ZBTB11: variants seen among roughly 807,000 people sequenced by gnomAD.
The protein encoded by ZBTB11 is zinc finger and BTB domain containing 11, also known as zinc finger and BTB domain-containing protein 11.
Under a neutral mutation model 113.1 loss-of-function variants are expected in ZBTB11, and 68 were observed. The ratio of observed to expected loss-of-function variants is 0.60; its 90% confidence interval spans 0.49 to 0.74. The LOEUF is 0.74. Among genes scored for constraint, ZBTB11 ranks in the 30% least tolerant of loss-of-function variants. The pLI is 0.00. For synonymous variants in ZBTB11, 518 were observed against 452.6 expected, an observed-to-expected ratio of 1.14 and a Z score of -1.83; for missense variants, 1,104 against 1,279.4, an observed-to-expected ratio of 0.86 and a Z score of 2.09.
intron 6 of ZBTB11, 62 bp from the exon 7 acceptor site, chr3:101,656,310 G>A: frequency 9.7e-7 from 1 of 1,026,572 alleles, no homozygotes; most frequent in South Asian, 3.6e-5. Context: ...TCTGAACAAT[G>A]AAGACAGAGA....
intron 3 of ZBTB11, among the ~76,000 whole-genome samples, chr3:101,670,103 C>G (rs1215954346): frequency 6.6e-6 from 1 of 152,212 alleles, no homozygotes; most frequent in Non-Finnish European, 1.5e-5. Context: ...GCTGGGATTA[C>G]AGGCAGGAGC....
At chr3:101,667,260 G>C (rs1197663533) in intron 3 of ZBTB11, among the ~76,000 whole-genome samples, 3 of 152,090 alleles carry the variant, frequency 2.0e-5, no homozygotes, top group Admixed American at 2.0e-4. Context: ...AGCTGATCTT[G>C]ACCTCCTGGC....
At chr3:101,654,878 G>T (rs972460391) in intron 7 of ZBTB11, 57 bp from the exon 8 acceptor site, 1 of 1,455,552 alleles carries the variant, frequency 6.9e-7, no homozygotes. Flanking sequence ...TCTTTTAACA[G>T]AATTTTTTTT....
chr3:101,665,382 A>G lies in ZBTB11; in HGVS notation c.1205T>C (p.Ile402Thr). 1 of 1,614,200 alleles carries G rather than the reference A, an allele frequency of 6.2e-7. No individual in the cohort carries two copies. The highest frequency in any genetic ancestry group is 1.1e-5 in the South Asian group (1 of 91,084). ...CTCCATTTCAGGATGGGAATCAGCT[A>G]TACATCCTACTGATGACAGGGCAGA... is the stretch of plus-strand genomic sequence containing the variant. Reference protein sequence around the residue: ...AESALSSVGCIADSHPEMESV... With the variant: ...AESALSSVGCTADSHPEMESV... Residue 402 changes from isoleucine to threonine, a missense_variant, in exon 4 of 11, where the codon ATA (isoleucine) becomes ACA (threonine). By Grantham distance (89) the Ile-to-Thr change is moderately conservative. Transcript: ENST00000312938.
Position 101,659,792 on chromosome 3 carries a change from A to T in ZBTB11, c.2037T>A (p.His679Gln). The T allele has an allele frequency of 6.2e-7, 1 of 1,614,102 alleles. No individual in the cohort carries two copies. The highest frequency in any genetic ancestry group is 8.5e-7 in the Non-Finnish European group (1 of 1,179,922). Residue 679 changes from histidine to glutamine, a missense_variant, in exon 6 of 11, where the codon CAT (histidine) becomes CAA (glutamine). By Grantham distance (24) the His-to-Gln change is conservative. Around this residue, in one of 5 missense-constraint regions of ZBTB11, gnomAD observed 535 missense variants for 518.6 expected, o/e 1.03. Transcript: ENST00000312938. ...HMLKHTGVKP[H>Q]ACQVCGKTFI... ...AACGTTATAGCTTTACCTGGCATGCATGTGGCTTTACACCTGTGTGCTTTA... is the reference window on the plus strand; with the variant it reads ...AACGTTATAGCTTTACCTGGCATGCTTGTGGCTTTACACCTGTGTGCTTTA...
At chr3:101,662,405 A>C (rs1936906547) in intron 5 of ZBTB11, among the ~76,000 whole-genome samples, 1 of 152,180 alleles carries the variant, frequency 6.6e-6, no homozygotes, top group Non-Finnish European at 1.5e-5. Flanking sequence ...CAGGCAGATC[A>C]CCTGAGGTCA....
intron 1 of ZBTB11, 53 bp from the exon 2 acceptor site, chr3:101,672,266 A>C: frequency 1.6e-6 from 2 of 1,278,298 alleles, no homozygotes; most frequent in Non-Finnish European, 1.1e-6. Context: ...TGAAAACAGA[A>C]TATATTATTT....
chr3:101,671,756 A>G, intron 2 of ZBTB11: 1 of 600,314 alleles, frequency 1.7e-6, no homozygotes. Context: ...GAGGGAGGAT[A>G]ATTAACAACA....
chr3:101,666,429 C>G (rs1371139387), intron 3 of ZBTB11, among the ~76,000 whole-genome samples: 1 of 152,162 alleles, frequency 6.6e-6, no homozygotes, highest in Non-Finnish European at 1.5e-5. Context: ...CAGCTGTGTT[C>G]CAATACAACC....
intron 5 of ZBTB11, 89 bp from the exon 6 acceptor site, chr3:101,660,117 A>G (rs1182860764): frequency 2.3e-6 from 3 of 1,297,452 alleles, no homozygotes; most frequent in Non-Finnish European, 3.2e-6. Flanking sequence ...TGTTTTTGTT[A>G]CAATTATATA....
chr3:101,667,557 C>G (rs1038216254), intron 3 of ZBTB11, among the ~76,000 whole-genome samples: 2 of 152,248 alleles, frequency 1.3e-5, no homozygotes, highest in Admixed American at 6.5e-5. Context: ...TACAGAGAAG[C>G]CTTAAACTTG....
chr3:101,649,922 T>C lies in ZBTB11; in HGVS notation c.*1244A>G, dbSNP rs113115988. 1 of 152,614 alleles carries C rather than the reference T, an allele frequency of 6.6e-6. No homozygotes were observed. Among genetic ancestry groups the C allele is most frequent in the Non-Finnish European group, 1.5e-5 (1 of 68,012 alleles). The allele number at this position is 152,614 out of a possible 1,614,324, so 9.5% of individuals were successfully genotyped here. ...TACCTAAAAGCTTAATTTTTAACAA[T>C]TATTCTTTGAGTGGTAGTTTCCCAG... On this transcript the variant is annotated 3_prime_UTR_variant, in exon 11 of 11. Coordinates refer to ENST00000312938, the MANE Select transcript of ZBTB11 (RefSeq NM_014415.4).
intron 8 of ZBTB11, 143 bp from the exon 9 acceptor site, chr3:101,653,081 T>A: frequency 1.1e-6 from 1 of 877,320 alleles, no homozygotes; most frequent in Non-Finnish European, 1.7e-6. Context: ...TAATCTTACA[T>A]AAAGGCTACA....
At chr3:101,672,354 T>C (rs563986134) in intron 1 of ZBTB11, 141 bp from the exon 2 acceptor site, 4 of 585,022 alleles carry the variant, frequency 6.8e-6, no homozygotes, top group Admixed American at 3.6e-5. Context: ...TTTATTAGAA[T>C]GTAAAATATA....
At chr3:101,666,645 G>GA (rs1937001258) in intron 3 of ZBTB11, among the ~76,000 whole-genome samples, 1 of 152,014 alleles carries the variant, frequency 6.6e-6, no homozygotes, top group Non-Finnish European at 1.5e-5. Flanking sequence ...TCAAAAATCA[G>GA]AAAAAAGATT....
chr3:101,664,038 C>T (rs1167950550), intron 5 of ZBTB11, among the ~76,000 whole-genome samples: 2 of 152,160 alleles, frequency 1.3e-5, no homozygotes, highest in South Asian at 2.1e-4. Context: ...TGGTTTTATC[C>T]TTTCCAGAGA....
intron 3 of ZBTB11, among the ~76,000 whole-genome samples, chr3:101,669,219 C>T (rs1439020788): frequency 6.6e-6 from 1 of 152,154 alleles, no homozygotes; most frequent in Non-Finnish European, 1.5e-5. Context: ...ATTTTGGTAG[C>T]CACAGGGTTT....
intron 3 of ZBTB11, among the ~76,000 whole-genome samples, chr3:101,668,949 A>G (rs1178663708): frequency 1.3e-5 from 2 of 152,198 alleles, no homozygotes; most frequent in Admixed American, 6.5e-5. Flanking sequence ...ATGGACAATT[A>G]TAACAGAAGG....
chr3:101,677,125 T>G lies in ZBTB11; in HGVS notation c.-211A>C. 1 of 551,520 alleles carries G rather than the reference T, an allele frequency of 1.8e-6. No homozygotes were observed. Among genetic ancestry groups the G allele is most frequent in the East Asian group, 3.4e-5 (1 of 29,800 alleles). The allele number at this position is 551,520 out of a possible 1,614,324, so 34.2% of individuals were successfully genotyped here. ...CACTTCTCCAGCGCGCGGGATCCGC[T>G]GGCGACTGACAAAATGGCTGCTGCA... On this transcript the variant is annotated 5_prime_UTR_variant, in exon 1 of 11. Coordinates refer to ENST00000312938, the MANE Select transcript of ZBTB11 (RefSeq NM_014415.4).
Sources: gnomAD v4.1 joint callset for allele counts (sites outside exome capture counted in the v4.1 genomes callset) on GRCh38, gnomAD v4.1.1 for gene constraint, gnomAD v4.1.1 regional missense constraint, MANE v1.5 for transcripts, NCBI Gene and HGNC (gene_info 2026-07-23, HGNC 2026-07-21) for gene names.